Variants in P4HA1 observed in about 807,000 individuals in gnomAD.
The protein encoded by P4HA1 is prolyl 4-hydroxylase subunit alpha 1.
Under a neutral mutation model 72.8 loss-of-function variants are expected in P4HA1, and 24 were observed. The ratio of observed to expected loss-of-function variants is 0.33; its 90% confidence interval spans 0.24 to 0.46. The LOEUF is 0.46. P4HA1 is among the 20% of genes least tolerant of loss of function. P4HA1 has a pLI of 1.00. For synonymous variants in P4HA1, 201 were observed against 218.8 expected, an observed-to-expected ratio of 0.92 and a Z score of 0.72; for missense variants, 446 against 640.6, an observed-to-expected ratio of 0.70 and a Z score of 3.28.
At chr10:73,073,642 G>T in intron 3 of P4HA1, 89 bp downstream of exon 3, 1 of 725,672 alleles carries the variant, frequency 1.4e-6, no homozygotes, top group Non-Finnish European at 2.5e-6. Context: ...CTCAAAAATG[G>T]GTTTCATTTC....
chr10:73,058,131 A>T (rs950684365), intron 5 of P4HA1, among the ~76,000 whole-genome samples: 5 of 150,554 alleles, frequency 3.3e-5, no homozygotes, highest in African/African-American at 1.2e-4. Flanking sequence ...GTGAATAAAG[A>T]CAACATTGAT....
rs751418329 is a variant in P4HA1, at chr10:73,046,963, C to T, written c.1039G>A (p.Ala347Thr). Residue 347 changes from alanine (A) to threonine (T), a missense_variant, in exon 8 of 15, where the codon GCA (alanine) becomes ACA (threonine). Ala to Thr is a moderately conservative substitution (Grantham distance 58, BLOSUM62 0). Transcript: ENST00000394890. ...AGGTCTTTGACGATTTCAATTTCTG[C>T]ATCAGAAATAATATCATGGAAGCGA... is the stretch of plus-strand genomic sequence containing the variant. Reference protein sequence around the residue: ...IIRFHDIISDAEIEIVKDLAK... With the variant: ...IIRFHDIISDTEIEIVKDLAK... 4.3e-6 allele frequency: 7 copies of T among 1,612,230 alleles called. No homozygotes were observed. Among genetic ancestry groups the T allele is most frequent in the Non-Finnish European group, 5.9e-6 (7 of 1,178,756 alleles).
intron 12 of P4HA1, among the ~76,000 whole-genome samples, chr10:73,011,786 T>C (rs1398387612): frequency 6.6e-6 from 1 of 151,956 alleles, no homozygotes; most frequent in Admixed American, 6.6e-5. Flanking sequence ...AACAAGTGAC[T>C]TACAAACACA....
chr10:73,079,304 A>T (rs1414021504), intron 1 of P4HA1, among the ~76,000 whole-genome samples: 2 of 152,106 alleles, frequency 1.3e-5, no homozygotes, highest in African/African-American at 4.8e-5. Flanking sequence ...AAAAATTTTT[A>T]AAAATAGCCA....
intron 5 of P4HA1, among the ~76,000 whole-genome samples, chr10:73,067,674 C>T (rs570902786): frequency 2.1e-4 from 32 of 152,202 alleles, no homozygotes; most frequent in Non-Finnish European, 2.8e-4. Context: ...CCCACACCCA[C>T]TCCTGTCTCC....
At chr10:73,020,424 CAAAAA>C (rs1333068027) in intron 10 of P4HA1, among the ~76,000 whole-genome samples, 1 of 151,624 alleles carries the variant, frequency 6.6e-6, no homozygotes, top group East Asian at 1.9e-4. Flanking sequence ...AACAAAAAAA[CAAAAA>C]AACAACCTAC....
intron 2 of P4HA1, 26 bp from the exon 3 acceptor site, chr10:73,073,853 T>C (rs377529328): frequency 3.0e-5 from 31 of 1,022,806 alleles, no homozygotes; most frequent in Non-Finnish European, 4.8e-5. Context: ...GGTTATCAAA[T>C]ACTCATATCC....
rs1840824531 is a variant in P4HA1 at position 73,045,135 on chromosome 10, T to TAA, written c.1078-85_1078-84insTT. ...CCCAACCAGTCAGAATTCCAGGGTT[T>TAA]TTACAAAGGAGGCTAAAAAGAGAAA... On this transcript the variant is annotated intron_variant, in intron 8 of 14. Transcript: ENST00000394890. 5.4e-6 allele frequency: 6 copies of TAA among 1,120,734 alleles called. No individual in the cohort carries two copies. In the African/African-American group the frequency reaches 6.2e-5, roughly 12 times the overall value. The allele number at this position is 1,120,734 out of a possible 1,614,324, so 69.4% of individuals were successfully genotyped here.
intron 5 of P4HA1, among the ~76,000 whole-genome samples, chr10:73,059,510 A>G (rs1374412731): frequency 2.7e-5 from 4 of 147,044 alleles, no homozygotes; most frequent in Non-Finnish European, 3.0e-5. Context: ...TTGGGAGGCC[A>G]AGGCAGGTGG....
At chr10:73,056,306 T>C (rs1415608449) in intron 5 of P4HA1, among the ~76,000 whole-genome samples, 1 of 152,156 alleles carries the variant, frequency 6.6e-6, no homozygotes, top group African/African-American at 2.4e-5. Context: ...GAGAAAATTA[T>C]AATAAATTTA....
At chr10:73,076,140 G>T (rs144099111) in intron 1 of P4HA1, among the ~76,000 whole-genome samples, 19 of 152,238 alleles carry the variant, frequency 1.2e-4, no homozygotes, top group Admixed American at 2.0e-4. Context: ...CTCTGTGAAA[G>T]TACTAAAAAC....
chr10:73,073,171 A>C (rs887919053), intron 3 of P4HA1, among the ~76,000 whole-genome samples: 7 of 144,708 alleles, frequency 4.8e-5, no homozygotes, highest in Non-Finnish European at 6.1e-5. Context: ...CTCTGTCACA[A>C]AAAAAAAAAA....
At chr10:73,036,717 C>T (rs888456834) in intron 9 of P4HA1, among the ~76,000 whole-genome samples, 1 of 152,118 alleles carries the variant, frequency 6.6e-6, no homozygotes, top group Admixed American at 6.6e-5. Flanking sequence ...TTAAGACTTT[C>T]CTTAGTTTAA....
At chr10:73,029,117 TTTTGCAACC>T (rs1840368980) in intron 10 of P4HA1, among the ~76,000 whole-genome samples, 1 of 149,938 alleles carries the variant, frequency 6.7e-6, no homozygotes, top group African/African-American at 2.5e-5. Flanking sequence ...TGTCTTAGAA[TTTTGCAACC>T]AGGCCAGGCA....
At chr10:73,035,455 C>T (rs112838342) in intron 9 of P4HA1, among the ~76,000 whole-genome samples, 20 of 152,056 alleles carry the variant, frequency 1.3e-4, no homozygotes, top group African/African-American at 3.6e-4. Context: ...CCCAGGAGTT[C>T]GAGGTTGCTA....
chr10:73,082,010 C>T (rs1057502370), intron 1 of P4HA1, among the ~76,000 whole-genome samples: 1 of 152,278 alleles, frequency 6.6e-6, no homozygotes, highest in East Asian at 1.9e-4. Context: ...AGCGAGACTC[C>T]GTCTCAAAAC....
chr10:73,019,722 C>G (rs531076825), intron 10 of P4HA1, among the ~76,000 whole-genome samples: 1 of 2,996 alleles, frequency 3.3e-4, no homozygotes, highest in South Asian at 8.6e-3. Context: ...GAGCGAGACT[C>G]TGTCTCAGAA....
chr10:73,060,771 A>G (rs1841294329), intron 5 of P4HA1, among the ~76,000 whole-genome samples: 1 of 152,224 alleles, frequency 6.6e-6, no homozygotes, highest in Admixed American at 6.5e-5. Flanking sequence ...AAAATGGGAT[A>G]ATCTGAGATC....
chr10:73,052,887 G>T (rs752812212), intron 6 of P4HA1, among the ~76,000 whole-genome samples: 1 of 152,100 alleles, frequency 6.6e-6, no homozygotes, highest in Non-Finnish European at 1.5e-5. Context: ...GGCCATACTT[G>T]AAGAAACACT....
Sources: gnomAD v4.1 joint callset for allele counts (sites outside exome capture counted in the v4.1 genomes callset) on GRCh38, gnomAD v4.1.1 for gene constraint, MANE v1.5 for transcripts, NCBI Gene and HGNC (gene_info 2026-07-23, HGNC 2026-07-21) for gene names.